Variants in VPS53 observed in about 807,000 individuals in gnomAD.
VPS53 encodes the protein vacuolar protein sorting-associated protein 53 homolog.
Under a neutral mutation model 107.0 loss-of-function variants are expected in VPS53, and 70 were observed. The observed-to-expected ratio is 0.65, with a 90% CI of 0.54 to 0.80. The LOEUF is 0.80. Ranked by LOEUF, VPS53 falls within the 30% of genes least tolerant of loss-of-function variation. The probability of loss-of-function intolerance (pLI) is 0.00; values close to 1 mark genes in which losing one functional copy is unlikely to be tolerated. For synonymous variants in VPS53, 409 were observed against 393.3 expected, an observed-to-expected ratio of 1.04 and a Z score of -0.47; for missense variants, 917 against 1,049.4, an observed-to-expected ratio of 0.87 and a Z score of 1.74.
chr17:657,415 T>C, intron 5 of VPS53: 1 of 847,100 alleles, frequency 1.2e-6, no homozygotes, highest in South Asian at 1.4e-5. Context: ...AGGAAAATGA[T>C]GAGGGGAAGA....
At chr17:606,663 C>G (rs1337640356) in intron 11 of VPS53, among the ~76,000 whole-genome samples, 1 of 152,146 alleles carries the variant, frequency 6.6e-6, no homozygotes, top group Non-Finnish European at 1.5e-5. Flanking sequence ...TGTTAGCAAC[C>G]AGGCTGCATA....
intron 13 of VPS53, among the ~76,000 whole-genome samples, chr17:579,625 T>C (rs1174622123): frequency 6.7e-6 from 1 of 148,930 alleles, no homozygotes; most frequent in Non-Finnish European, 1.5e-5. Context: ...ACCTAATGCA[T>C]TCCGAGAGAA....
At chr17:619,251 T>G (rs929938588) in intron 11 of VPS53, among the ~76,000 whole-genome samples, 3 of 144,382 alleles carry the variant, frequency 2.1e-5, no homozygotes, top group African/African-American at 7.9e-5. Context: ...ATTTCCTGGG[T>G]AGCTAGGACT....
At chr17:688,253 A>T (rs955846184) in intron 4 of VPS53, among the ~76,000 whole-genome samples, 5 of 152,104 alleles carry the variant, frequency 3.3e-5, no homozygotes, top group African/African-American at 1.2e-4. Flanking sequence ...CGTGATAGTA[A>T]GTTCTCACAA....
chr17:582,189 CTAA>C (rs1597337977), intron 13 of VPS53, among the ~76,000 whole-genome samples: 9 of 149,154 alleles, frequency 6.0e-5, no homozygotes, highest in East Asian at 2.3e-4. Flanking sequence ...CCCTCAGAAC[CTAA>C]TGCATCCCAG....
At chr17:623,855 T>C (rs1969573794) in intron 10 of VPS53, among the ~76,000 whole-genome samples, 181 bp from the exon 11 acceptor site, 1 of 152,082 alleles carries the variant, frequency 6.6e-6, no homozygotes, top group Non-Finnish European at 1.5e-5. Context: ...CTAAACAAGA[T>C]TTTTAAGGTG....
intron 13 of VPS53, among the ~76,000 whole-genome samples, chr17:566,203 CAAAAAAA>C (rs1003234136): frequency 1.7e-5 from 1 of 57,312 alleles, no homozygotes; most frequent in East Asian, 5.7e-4. Flanking sequence ...GACTCCGTCT[CAAAAAAA>C]AAAAAAAAAA....
chr17:625,582 T>A (rs777038963), intron 10 of VPS53, among the ~76,000 whole-genome samples: 3 of 152,106 alleles, frequency 2.0e-5, no homozygotes, highest in Non-Finnish European at 2.9e-5. Flanking sequence ...CCGTGTAGTT[T>A]CATGAGCTGT....
intron 11 of VPS53, among the ~76,000 whole-genome samples, chr17:617,727 A>G (rs55787709): frequency 0.1 from 12,946 of 129,146 alleles, 997 homozygotes; most frequent in South Asian, 0.16. Flanking sequence ...ATTATTTCCC[A>G]GGTAGCTGGG....
At chr17:522,218 G>C (rs1019145992) in intron 19 of VPS53, among the ~76,000 whole-genome samples, 1 of 152,170 alleles carries the variant, frequency 6.6e-6, no homozygotes, top group African/African-American at 2.4e-5. Flanking sequence ...TTGTGCCACT[G>C]TAACTCTCCA....
At chr17:578,174 T>G (rs381552) in intron 13 of VPS53, among the ~76,000 whole-genome samples, 1 of 152,128 alleles carries the variant, frequency 6.6e-6, no homozygotes, top group East Asian at 1.9e-4. Flanking sequence ...ACCTAATGCG[T>G]TCCCAAAGAA....
chr17:643,120 C>T (rs71355291), intron 7 of VPS53, among the ~76,000 whole-genome samples: 1,427 of 21,942 alleles, frequency 0.065, no homozygotes, highest in Middle Eastern at 0.11. Flanking sequence ...ACAACACTCA[C>T]ACTTGGAAAG....
intron 13 of VPS53, among the ~76,000 whole-genome samples, chr17:568,454 CCAGG>C (rs1913746978): frequency 6.6e-6 from 1 of 151,930 alleles, no homozygotes; most frequent in Admixed American, 6.6e-5. Context: ...GTCATGTCAC[CCAGG>C]CTGGTCTCGA....
At chr17:703,615 T>C (rs530603804) in intron 2 of VPS53, among the ~76,000 whole-genome samples, 1 of 152,326 alleles carries the variant, frequency 6.6e-6, no homozygotes, top group East Asian at 1.9e-4. Context: ...TTGTTTACTT[T>C]TTAAATGTTT....
intron 11 of VPS53, among the ~76,000 whole-genome samples, chr17:606,184 C>T (rs1173354474): frequency 3.9e-5 from 6 of 152,006 alleles, no homozygotes; most frequent in African/African-American, 2.4e-5. Flanking sequence ...AGAGTGAGAA[C>T]GAGGGTGAGG....
At chr17:619,429 A>G (rs1006018830) in intron 11 of VPS53, among the ~76,000 whole-genome samples, 226 of 99,290 alleles carry the variant, frequency 2.3e-3, no homozygotes, top group East Asian at 3.4e-3. Context: ...GCACCACCAC[A>G]CCCCACTAAT....
chr17:662,881 G>GGAAGGAAC lies in VPS53; in HGVS notation c.286-987_286-986insGTTCCTTC, dbSNP rs1490896510. On this transcript the variant is annotated intron_variant, in intron 4 of 21. Coordinates refer to ENST00000437048, the MANE Select transcript of VPS53 (RefSeq NM_001128159.3). ...AGGAAGGAAGGAAGGAACGAAGGAAGGAAGGAAGGAAGGCAGGCAGGCAGG... is the reference window on the plus strand; with the variant it reads ...AGGAAGGAAGGAAGGAACGAAGGAAGGAAGGAACGAAGGAAGGAAGGCAGGCAGGCAGG... 5.5e-3 allele frequency among the ~76,000 whole-genome samples: 769 copies of GGAAGGAAC among 140,188 alleles called. 13 individuals are homozygous for GGAAGGAAC. The highest frequency in any genetic ancestry group is 0.02 in the African/African-American group (736 of 37,296). 92.0% of individuals were successfully genotyped at this position (140,188 alleles called of 152,430 possible).
intron 11 of VPS53, among the ~76,000 whole-genome samples, chr17:604,829 T>C (rs1272153885): frequency 6.6e-6 from 1 of 152,130 alleles, no homozygotes; most frequent in African/African-American, 2.4e-5. Context: ...TGGACCAAGT[T>C]AGTACAGGAA....
rs557535137 is a variant in VPS53, at chr17:631,682, C to T, written c.609-54G>A. 21 of 1,529,618 alleles carry T rather than the reference C, an allele frequency of 1.4e-5. No individual in the cohort carries two copies. In the South Asian group the frequency reaches 2.1e-4, roughly 16 times the overall value. The allele number at this position is 1,529,618 out of a possible 1,614,324, so 94.8% of individuals were successfully genotyped here. ...CTGGCATCATATCCTTATGTAACTA[C>T]ACACCGATCCACAGGGTCGGAAGGG... On this transcript the variant is annotated intron_variant, in intron 7 of 21. Transcript: ENST00000437048.
Sources: gnomAD v4.1 joint callset for allele counts (sites outside exome capture counted in the v4.1 genomes callset) on GRCh38, gnomAD v4.1.1 for gene constraint, MANE v1.5 for transcripts, NCBI Gene and HGNC (gene_info 2026-07-23, HGNC 2026-07-21) for gene names.